Variants in POLR1A observed in about 807,000 individuals in gnomAD.
POLR1A encodes DNA-directed RNA polymerase I subunit RPA1.
POLR1A carries 84 observed loss-of-function variants against 205.3 expected under a neutral mutation model. The ratio of observed to expected loss-of-function variants is 0.41; its 90% CI spans 0.34 to 0.49. POLR1A has a LOEUF of 0.49. Among genes scored for constraint, POLR1A ranks in the 20% least tolerant of loss-of-function variants. The probability of loss-of-function intolerance (pLI) is 0.22; values close to 1 mark genes in which losing one functional copy is unlikely to be tolerated. For synonymous variants in POLR1A, 799 were observed against 863.7 expected, an observed-to-expected ratio of 0.93 and a Z score of 1.31; for missense variants, 1,645 against 2,204.5, an observed-to-expected ratio of 0.75 and a Z score of 5.08.
chr2:86,054,222 G>A lies in POLR1A; in HGVS notation c.2126C>T (p.Ala709Val), dbSNP rs776777977. 1.9e-6 allele frequency: 3 copies of A among 1,613,808 alleles called. No homozygotes were observed. The highest frequency in any genetic ancestry group is 2.5e-6 in the Non-Finnish European group (3 of 1,179,784). Residue 709 changes from alanine (A) to valine (V), a missense_variant, in exon 15 of 34, where the codon GCG (alanine) becomes GTG (valine). Around this residue, in one of 16 missense-constraint regions of POLR1A, gnomAD observed 339 missense variants for 415.1 expected, o/e 0.82. Transcript: ENST00000263857. ...DHIPLNLSGKAKITGKAWVKE... is the reference protein window; with the variant it reads ...DHIPLNLSGKVKITGKAWVKE... ...CACCCAGGCTTTCCCAGTGATTTTC[G>A]CCTTTCCAGATAAGTTCAGTGGGAT...
At chr2:86,034,316 C>G (rs1230157257) in intron 27 of POLR1A, among the ~76,000 whole-genome samples, 1 of 152,196 alleles carries the variant, frequency 6.6e-6, no homozygotes, top group Non-Finnish European at 1.5e-5. Flanking sequence ...GGTGGTGTTG[C>G]TCTGGCCAGA....
intron 14 of POLR1A, among the ~76,000 whole-genome samples, chr2:86,054,583 A>C (rs921827978): frequency 4.6e-5 from 7 of 152,244 alleles, no homozygotes; most frequent in African/African-American, 1.7e-4. Flanking sequence ...GACTTGAATT[A>C]AATTCCTAAA....
chr2:86,068,390 G>GGGC lies in POLR1A; in HGVS notation c.1866+1627_1866+1628insGCC, dbSNP rs1553436050. Among the ~76,000 whole-genome samples, 6 of 117,480 alleles carry GGGC rather than the reference G, an allele frequency of 5.1e-5. 1 individual carries two copies. The highest frequency in any genetic ancestry group is 1.9e-4 in the African/African-American group (6 of 31,126). The allele number at this position is 117,480 out of a possible 152,430, so 77.1% of individuals were successfully genotyped here. On this transcript the variant is annotated intron_variant, in intron 13 of 33. Coordinates refer to ENST00000263857, the MANE Select transcript of POLR1A (RefSeq NM_015425.6). ...ACGCACAGCCAAGCACATGGGCGGG[G>GGGC]GGGGGGGGCGGGTGTCGTCCAAAGC...
At chr2:86,047,335 C>T in intron 18 of POLR1A, 72 bp from the exon 19 acceptor site, 1 of 1,066,212 alleles carries the variant, frequency 9.4e-7, no homozygotes, top group Non-Finnish European at 1.4e-6. Flanking sequence ...GATGTAAATC[C>T]AGGAAGCAGA....
chr2:86,088,040 G>A (rs1673531875), intron 6 of POLR1A, among the ~76,000 whole-genome samples: 1 of 152,008 alleles, frequency 6.6e-6, no homozygotes, highest in South Asian at 2.1e-4. Flanking sequence ...TTAAAAAGTG[G>A]GAGTATTAAG....
At chr2:86,027,667 C>T (rs995536433) in intron 33 of POLR1A, 144 bp from the exon 34 acceptor site, 5 of 837,604 alleles carry the variant, frequency 6.0e-6, no homozygotes, top group African/African-American at 3.4e-5. Context: ...AGGCAGCCCC[C>T]CTCTAGCACT....
intron 16 of POLR1A, among the ~76,000 whole-genome samples, chr2:86,051,194 T>A (rs1439257158): frequency 6.6e-6 from 1 of 152,178 alleles, no homozygotes; most frequent in African/African-American, 2.4e-5. Context: ...ATAAATACAT[T>A]TGGACATTTG....
chr2:86,071,869 G>C (rs1369873108), intron 12 of POLR1A, among the ~76,000 whole-genome samples: 1 of 152,154 alleles, frequency 6.6e-6, no homozygotes, highest in Non-Finnish European at 1.5e-5. Context: ...GCATCCTGAA[G>C]GGCTCCTCTA....
intron 18 of POLR1A, among the ~76,000 whole-genome samples, chr2:86,048,378 C>G (rs1314746938): frequency 6.6e-6 from 1 of 152,240 alleles, no homozygotes; most frequent in Non-Finnish European, 1.5e-5. Context: ...GCTCCTGAAG[C>G]CTCTCTGCAG....
At chr2:86,065,680 T>C (rs1019260259) in intron 13 of POLR1A, 3 of 560,586 alleles carry the variant, frequency 5.4e-6, no homozygotes, top group Non-Finnish European at 9.5e-6. Flanking sequence ...GTTTGCCATT[T>C]GCCCACTATC....
At chr2:86,089,980 T>C in intron 3 of POLR1A, 51 bp from the exon 4 acceptor site, 1 of 967,604 alleles carries the variant, frequency 1.0e-6, no homozygotes, top group Non-Finnish European at 1.7e-6. Flanking sequence ...ACACCTCTGA[T>C]GAGCAGCACA....
intron 3 of POLR1A, among the ~76,000 whole-genome samples, chr2:86,091,800 G>C (rs1673612478): frequency 6.6e-6 from 1 of 152,090 alleles, no homozygotes; most frequent in Admixed American, 6.6e-5. Flanking sequence ...TTTTAGCTCT[G>C]TTCCCTCATA....
chr2:86,040,271 C>A (rs1315275190), intron 25 of POLR1A, 121 bp downstream of exon 25: 2 of 787,556 alleles, frequency 2.5e-6, no homozygotes, highest in Non-Finnish European at 3.7e-6. Context: ...AGACCCTGTC[C>A]CTCTCTCACA....
intron 24 of POLR1A, 99 bp from the exon 25 acceptor site, chr2:86,040,658 C>G (rs966174367): frequency 3.2e-6 from 3 of 945,578 alleles, no homozygotes; most frequent in Admixed American, 5.5e-5. Context: ...AAACTGAAAC[C>G]TCTACCTCTT....
chr2:86,040,369 C>T, intron 25 of POLR1A, 23 bp downstream of exon 25: 1 of 1,567,988 alleles, frequency 6.4e-7, no homozygotes. Flanking sequence ...AGACCCCACC[C>T]TGTGCTCCCT....
In POLR1A at chr2:86,060,742, C is replaced by T. The variant is rs139770118; in HGVS notation, c.2058+4532G>A. Among the ~76,000 whole-genome samples the T allele has an allele frequency of 3.3e-4, 50 of 152,184 alleles. No individual in the cohort carries two copies. The East Asian group carries it at 9.1e-3, about 28-fold the overall frequency. The stretch of plus-strand genomic sequence containing the variant: ...AAGGTAAAACAATATAGCTACTAGA[C>T]GATAACAGAGGGGAATACCTACAAG... On this transcript the variant is annotated intron_variant, in intron 14 of 33. Transcript: ENST00000263857.
At chr2:86,045,547 A>C in intron 20 of POLR1A, 70 bp downstream of exon 20, 1 of 1,516,150 alleles carries the variant, frequency 6.6e-7, no homozygotes, top group Non-Finnish European at 9.2e-7. Context: ...CCTGTAGGGC[A>C]GTCATAGTTC....
chr2:86,057,596 A>C (rs1672918425), intron 14 of POLR1A, among the ~76,000 whole-genome samples: 1 of 152,254 alleles, frequency 6.6e-6, no homozygotes, highest in Admixed American at 6.5e-5. Context: ...ATGGATACAG[A>C]GGAAACAATG....
chr2:86,088,507 G>A, intron 6 of POLR1A, 59 bp downstream of exon 6: 1 of 1,064,238 alleles, frequency 9.4e-7, no homozygotes, highest in South Asian at 1.3e-5. Context: ...GTATTCCCAG[G>A]GTTTAGGACA....
Sources: allele counts gnomAD v4.1 joint callset (sites outside exome capture counted in the v4.1 genomes callset), GRCh38; gene constraint gnomAD v4.1.1; regional missense constraint gnomAD v4.1.1; transcripts MANE v1.5; gene names NCBI Gene and HGNC (gene_info 2026-07-23, HGNC 2026-07-21).